The following MVP variants were observed in gnomAD, a reference collection of about 807,000 sequenced individuals.
The protein encoded by MVP is major vault protein.
Under a neutral mutation model 83.5 loss-of-function variants are expected in MVP, and 62 were observed. The ratio of observed to expected loss-of-function variants is 0.74; its 90% CI spans 0.61 to 0.92. The LOEUF is 0.92. MVP is among the 40% of genes least tolerant of loss of function. MVP has a pLI of 0.00. For synonymous variants in MVP, 505 were observed against 504.1 expected (o/e 1.00, Z -0.02); for missense variants, 1,000 against 1,203.4 (o/e 0.83, Z 2.50).
In MVP at chr16:29,836,938, G is replaced by C; in HGVS notation, c.889G>C (p.Gly297Arg). The C allele has an allele frequency of 6.2e-7, 1 of 1,613,150 alleles. No homozygotes were observed. The highest frequency in any genetic ancestry group is 8.5e-7 in the Non-Finnish European group (1 of 1,179,486). The change falls in exon 7 of 15, where the codon GGG becomes CGG. Residue 297 changes from glycine to arginine, a missense_variant. Physicochemically the swap from Gly to Arg is moderately radical, Grantham distance 125. Transcript: ENST00000357402. The part of the protein sequence containing the change: ...PVGPDGKNQL[G>R]QKRVVKGEKS... ...CGGACCGGATGGCAAGAATCAGCTG[G>C]GGCAGAAGCGCGTGGTCAAGGTGAG...
Position 29,830,499 on chromosome 16 carries a change from C to CT in MVP, c.-35-15dup. On this transcript the variant is annotated splice_polypyrimidine_tract_variant and intron_variant, in intron 1 of 14. Transcript: ENST00000357402. ...GCTCCCCAGGTTCATCCTGTGTCGT[C>CT]TCCCCCACCTACCAGTCATCTTCTT... 2 of 1,600,468 alleles carry CT rather than the reference C, an allele frequency of 1.2e-6. No homozygotes were observed. Among genetic ancestry groups the CT allele is most frequent in the Non-Finnish European group, 1.7e-6 (2 of 1,172,374 alleles).
At chr16:29,827,984 G>C (rs1459104868) in intron 1 of MVP, among the ~76,000 whole-genome samples, 1 of 151,098 alleles carries the variant, frequency 6.6e-6, no homozygotes, top group Non-Finnish European at 1.5e-5. Context: ...TTCCAAGACA[G>C]AGTCTTGCTC....
rs2067536797 is a variant in MVP at position 29,841,764 on chromosome 16, A to G, written c.1360A>G (p.Lys454Glu). 6.2e-7 allele frequency: 1 copy of G among 1,613,634 alleles called. No homozygotes were observed. Among genetic ancestry groups the G allele is most frequent in the South Asian group, 1.1e-5 (1 of 91,054 alleles). ...KSLQPLAPRN[K>E]TRVVSYRVPH... ...CCTCCAGCCCTTGGCGCCCCGGAACAAGACCCGTGTGGTCAGCTACCGCGT... is the reference window on the plus strand; with the variant it reads ...CCTCCAGCCCTTGGCGCCCCGGAACGAGACCCGTGTGGTCAGCTACCGCGT... Residue 454 changes from lysine (K) to glutamate (E), a missense_variant, in exon 9 of 15, where the codon AAG (lysine) becomes GAG (glutamate). Lys to Glu is a moderately conservative substitution (Grantham distance 56). Transcript: ENST00000357402. The surrounding 1 kb of genome is among the most constrained non-coding windows in gnomAD (Gnocchi z 4.7).
intron 1 of MVP, among the ~76,000 whole-genome samples, chr16:29,826,604 AAAGT>A (rs1403073653): frequency 1.4e-5 from 2 of 145,794 alleles, no homozygotes; most frequent in African/African-American, 2.5e-5. Flanking sequence ...CCTGGGCAAC[AAAGT>A]AAGACCTTAT....
At chr16:29,837,916 C>G (rs1050361598) in intron 7 of MVP, among the ~76,000 whole-genome samples, 10 of 152,144 alleles carry the variant, frequency 6.6e-5, no homozygotes, top group African/African-American at 1.9e-4. Context: ...TCTCCCACCC[C>G]CTACTTCATC....
At chr16:29,839,218 C>G (rs1258501049) in intron 7 of MVP, among the ~76,000 whole-genome samples, 1 of 152,066 alleles carries the variant, frequency 6.6e-6, no homozygotes, top group East Asian at 1.9e-4. Context: ...AGCCAGACAT[C>G]AAAGACCACA....
intron 1 of MVP, among the ~76,000 whole-genome samples, chr16:29,824,436 G>A (rs776240254): frequency 2.6e-5 from 4 of 151,974 alleles, no homozygotes; most frequent in South Asian, 2.1e-4. Flanking sequence ...TGCAGACCCC[G>A]TAGGCAGTGT....
chr16:29,824,723 C>G (rs981470560), intron 1 of MVP, among the ~76,000 whole-genome samples: 1 of 152,136 alleles, frequency 6.6e-6, no homozygotes, highest in African/African-American at 2.4e-5. Context: ...GATTGTGCCA[C>G]TTCACTCCAG....
Position 29,830,966 on chromosome 16 carries a change from T to C in MVP, c.214T>C (p.Leu72=), listed in dbSNP as rs1567389172. 3.1e-6 allele frequency: 5 copies of C among 1,614,048 alleles called. No homozygotes were observed. Among genetic ancestry groups the C allele is most frequent in the Middle Eastern group, 1.6e-4 (1 of 6,062 alleles). The part of the protein sequence containing the change: ...ANPVSRDAQG[L]VLFDVTGQVR... ...CCCTGTGTCTCGGGATGCCCAGGGC[T>C]TGGTGCTGTTTGATGTCACAGGGCA... is the stretch of plus-strand genomic sequence containing the variant. The change falls in exon 3 of 15, where the codon TTG becomes CTG. Residue 72 remains leucine, a synonymous_variant. Coordinates refer to ENST00000357402, the MANE Select transcript of MVP (RefSeq NM_005115.5).
intron 1 of MVP, among the ~76,000 whole-genome samples, chr16:29,827,463 C>T (rs1297441833): frequency 6.6e-6 from 1 of 152,170 alleles, no homozygotes; most frequent in Non-Finnish European, 1.5e-5. Context: ...CATGATGCCT[C>T]TCTAGAAAGA....
At chr16:29,834,255 C>G in intron 5 of MVP, 189 bp downstream of exon 5, 1 of 767,630 alleles carries the variant, frequency 1.3e-6, no homozygotes, top group Non-Finnish European at 2.0e-6. Context: ...TCCACTTGGG[C>G]TGGAAAATGT....
intron 3 of MVP, 34 bp downstream of exon 3, chr16:29,831,107 TA>T: frequency 6.3e-7 from 1 of 1,586,918 alleles, no homozygotes; most frequent in African/African-American, 1.3e-5. Context: ...TGCCCCACCC[TA>T]CCTGTCCTCC....
chr16:29,838,133 G>A (rs2067503560), intron 7 of MVP, among the ~76,000 whole-genome samples: 1 of 152,068 alleles, frequency 6.6e-6, no homozygotes, highest in Non-Finnish European at 1.5e-5. Context: ...AAAAACAGGA[G>A]GCAGAAAAAG....
At chr16:29,821,652 TTG>T (rs1371703676) in intron 1 of MVP, among the ~76,000 whole-genome samples, 1 of 152,204 alleles carries the variant, frequency 6.6e-6, no homozygotes, top group Non-Finnish European at 1.5e-5. Context: ...GCCTCCTAGT[TTG>T]TGGTCTCTAC....
intron 10 of MVP, among the ~76,000 whole-genome samples, chr16:29,843,261 G>A (rs186149080): frequency 6.6e-6 from 1 of 151,872 alleles, no homozygotes; most frequent in African/African-American, 2.4e-5. Context: ...GGAGGCTGTG[G>A]CAGGAGGATT....
At chr16:29,826,680 TG>T (rs547708353) in intron 1 of MVP, among the ~76,000 whole-genome samples, 177 of 150,200 alleles carry the variant, frequency 1.2e-3, no homozygotes, top group African/African-American at 3.8e-3. Flanking sequence ...CCTAGCACTT[TG>T]GGAGGCCGAG....
rs2288043 is a variant in MVP at position 29,840,417 on chromosome 16, C to T, written c.1149C>T (p.Asp383=). Residue 383 remains aspartate, a synonymous_variant, in exon 8 of 15, where the codon GAC becomes GAT. Coordinates refer to ENST00000357402, the MANE Select transcript of MVP (RefSeq NM_005115.5). ...VVEERQAIPL[D]ENEGIYVQDV... ...AGGAGCGCCAGGCCATCCCTCTAGA[C>T]GAGAACGAGGGCATCTATGTGCAGG... 7.5e-3 allele frequency: 11,812 copies of T among 1,582,996 alleles called. 522 individuals are homozygous for T. The African/African-American group carries it at 0.11, about 15-fold the overall frequency.
At chr16:29,837,695 G>GGTGA (rs2067499803) in intron 7 of MVP, among the ~76,000 whole-genome samples, 1 of 151,986 alleles carries the variant, frequency 6.6e-6, no homozygotes, top group South Asian at 2.1e-4. Flanking sequence ...TCAAGCCTGT[G>GGTGA]GTGAGCCGAG....
rs779647852 is a variant in MVP at position 29,841,600 on chromosome 16, G to A, written c.1196G>A (p.Arg399His). The A allele has an allele frequency of 2.1e-5, 34 of 1,598,408 alleles. No individual in the cohort carries two copies. The highest frequency in any genetic ancestry group is 2.6e-5 in the Non-Finnish European group (30 of 1,171,586). ...CCTCCCTGTCCTCGTCCCAAGGTGC[G>A]CGCTGTGATTGGAAGCACCTACATG... ...YVQDVKTGKV[R>H]AVIGSTYMLT... The change falls in exon 9 of 15, where the codon CGC becomes CAC. Residue 399 changes from arginine (R) to histidine (H), a missense_variant. Arg to His is a conservative substitution (Grantham distance 29, BLOSUM62 0). Coordinates refer to ENST00000357402, the MANE Select transcript of MVP (RefSeq NM_005115.5). This position sits in a 1 kb window ranked among gnomAD's most constrained non-coding sequence, Gnocchi z 4.7.
Sources: allele counts gnomAD v4.1 joint callset (sites outside exome capture counted in the v4.1 genomes callset), GRCh38; gene constraint gnomAD v4.1.1; non-coding constraint Gnocchi (gnomAD v3.1); transcripts MANE v1.5; gene names NCBI Gene and HGNC (gene_info 2026-07-23, HGNC 2026-07-21).